CSMD1: variants seen among roughly 807,000 people sequenced by gnomAD.
CSMD1 encodes CUB and sushi domain-containing protein 1.
In CSMD1, 213 loss-of-function variants were observed where a neutral mutation model predicts 417.5. The ratio of observed to expected loss-of-function variants is 0.51; its 90% CI spans 0.46 to 0.57. The LOEUF (loss-of-function observed/expected upper bound fraction) is 0.57. Ranked by LOEUF, CSMD1 falls within the 20% of genes least tolerant of loss-of-function variation. The probability of loss-of-function intolerance (pLI) is 0.00; values close to 1 mark genes in which losing one functional copy is unlikely to be tolerated. For missense variants in CSMD1, 6,923 were observed against 4,529.7 expected (o/e 1.53, Z -15.17); for synonymous variants, 2,862 against 1,736.8 (o/e 1.65, Z -16.11).
chr8:3,856,123 A>T (rs1804292770), intron 5 of CSMD1, among the ~76,000 whole-genome samples: 2 of 152,074 alleles, frequency 1.3e-5, no homozygotes, highest in Non-Finnish European at 1.5e-5. Flanking sequence ...AGTGCTGGAG[A>T]CGGGGCTTGG....
chr8:3,395,807 C>A (rs1811655799), intron 17 of CSMD1, among the ~76,000 whole-genome samples: 1 of 152,068 alleles, frequency 6.6e-6, no homozygotes, highest in African/African-American at 2.4e-5. Flanking sequence ...GTTTTTCTAG[C>A]AAGGATCCTT....
chr8:3,695,117 G>GTGTGTGTGTGTGTGTGTGTGTGTGT (rs1800477289), intron 7 of CSMD1, among the ~76,000 whole-genome samples: 1 of 41,340 alleles, frequency 2.4e-5, no homozygotes. Flanking sequence ...TGTGTGTGTG[G>GTGTGTGTGTGTGTGTGTGTGTGTGT]TTATTGAAGA....
chr8:3,149,033 A>T lies in CSMD1; in HGVS notation c.6031+2364T>A, dbSNP rs909126053. Among the ~76,000 whole-genome samples, 10 of 152,130 alleles carry T rather than the reference A, an allele frequency of 6.6e-5. 1 individual carries two copies. Among genetic ancestry groups the T allele is most frequent in the Admixed American group, 4.6e-4 (7 of 15,268 alleles). On this transcript the variant is annotated intron_variant, in intron 40 of 69. Transcript: ENST00000635120. Reference sequence around the variant, plus strand: ...AAACCCTCAGGCTATGCAATATCCAATTTTTTTAAGATTTACATCAGTTTA... The same window carrying T: ...AAACCCTCAGGCTATGCAATATCCATTTTTTTTAAGATTTACATCAGTTTA...
At chr8:3,226,012 C>A (rs184712589) in intron 27 of CSMD1, among the ~76,000 whole-genome samples, 194 of 152,334 alleles carry the variant, frequency 1.3e-3, no homozygotes, top group African/African-American at 4.5e-3. Context: ...CACATACATA[C>A]GTAGCAGCTC....
At chr8:4,054,688 C>T (rs1256985949) in intron 3 of CSMD1, among the ~76,000 whole-genome samples, 5 of 152,088 alleles carry the variant, frequency 3.3e-5, no homozygotes, top group Non-Finnish European at 7.4e-5. Flanking sequence ...TAGCTGAATA[C>T]ATGTGAATTC....
intron 6 of CSMD1, among the ~76,000 whole-genome samples, chr8:3,719,057 A>C (rs995306962): frequency 6.6e-6 from 1 of 152,172 alleles, no homozygotes; most frequent in African/African-American, 2.4e-5. Flanking sequence ...GAGATGTAGA[A>C]AACCCTCCTG....
intron 1 of CSMD1, among the ~76,000 whole-genome samples, chr8:4,904,458 A>T (rs773459976): frequency 6.6e-6 from 1 of 152,216 alleles, no homozygotes; most frequent in Non-Finnish European, 1.5e-5. Context: ...GGTAAGAGAC[A>T]TGTTCAAAGT....
intron 23 of CSMD1, among the ~76,000 whole-genome samples, chr8:3,327,077 C>T (rs1806579985): frequency 6.6e-6 from 1 of 151,214 alleles, no homozygotes; most frequent in Admixed American, 6.6e-5. Context: ...GATTCAATCA[C>T]AGAAACACGT....
At position 3,920,574 on chromosome 8, in the gene CSMD1, C is replaced by T. The variant is rs1004173232; in HGVS notation, c.818+77329G>A. On this transcript the variant is annotated intron_variant, in intron 5 of 69. Transcript: ENST00000635120. ...TTGTTCTTAAATTTAAAGAGAAATG[C>T]TTTCAGCTTTTCATCATTATGTACA... 7.2e-5 allele frequency among the ~76,000 whole-genome samples: 11 copies of T among 152,008 alleles called. No homozygotes were observed. In the South Asian group the frequency reaches 1.0e-3, roughly 14 times the overall value.
chr8:4,238,371 C>G (rs1324859113), intron 3 of CSMD1, among the ~76,000 whole-genome samples: 1 of 152,150 alleles, frequency 6.6e-6, no homozygotes, highest in Non-Finnish European at 1.5e-5. Flanking sequence ...TGGGGCAGCC[C>G]AAAGCACATC....
chr8:4,906,973 T>C (rs1420655648), intron 1 of CSMD1, among the ~76,000 whole-genome samples: 1 of 152,226 alleles, frequency 6.6e-6, no homozygotes, highest in East Asian at 1.9e-4. Flanking sequence ...CTACTAAATA[T>C]AGCACAATTG....
At chr8:4,034,662 G>A (rs909945604) in intron 3 of CSMD1, among the ~76,000 whole-genome samples, 6 of 152,174 alleles carry the variant, frequency 3.9e-5, no homozygotes, top group African/African-American at 1.4e-4. Flanking sequence ...TAAATGTGAA[G>A]AGTGAGAAAG....
At chr8:3,729,320 G>C (rs897217888) in intron 6 of CSMD1, among the ~76,000 whole-genome samples, 6 of 152,248 alleles carry the variant, frequency 3.9e-5, no homozygotes, top group African/African-American at 7.2e-5. Context: ...CTGTCTGAGG[G>C]TGGGCTTCGG....
intron 10 of CSMD1, among the ~76,000 whole-genome samples, chr8:3,547,397 C>T (rs917877953): frequency 1.3e-5 from 2 of 152,084 alleles, no homozygotes; most frequent in African/African-American, 4.8e-5. Flanking sequence ...AGAGGTAAAA[C>T]TGATTCAGTT....
Position 4,044,352 on chromosome 8 carries a change from G to C in CSMD1, c.416-12253C>G, listed in dbSNP as rs556709195. On this transcript the variant is annotated intron_variant, in intron 3 of 69. Coordinates refer to ENST00000635120, the MANE Select transcript of CSMD1 (RefSeq NM_033225.6). ...AAATAACACAATGCAATTCTGTTTA[G>C]TATTTACTGATAAGAACCTTGTCTT... is the stretch of plus-strand genomic sequence containing the variant. Among the ~76,000 whole-genome samples, 5 of 152,252 alleles carry C rather than the reference G, an allele frequency of 3.3e-5. No individual in the cohort carries two copies. The East Asian group carries it at 5.8e-4, about 18-fold the overall frequency.
rs113327964 is a variant in CSMD1 at position 3,951,756 on chromosome 8, G to A, written c.818+46147C>T. Among the ~76,000 whole-genome samples the A allele has an allele frequency of 6.0e-3, 914 of 152,256 alleles. 9 individuals carry two copies. The highest frequency in any genetic ancestry group is 0.018 in the African/African-American group (741 of 41,552). On this transcript the variant is annotated intron_variant, in intron 5 of 69. Transcript: ENST00000635120. ...GGGGGCATTAAAACGTAATAGATGA[G>A]TAGAAAATGAGGGTGACCTGTGCTG...
intron 5 of CSMD1, among the ~76,000 whole-genome samples, chr8:3,851,220 T>C (rs1403818698): frequency 1.3e-5 from 2 of 152,220 alleles, no homozygotes; most frequent in Non-Finnish European, 2.9e-5. Context: ...GAAGGTAGAA[T>C]ATTTGAAATA....
intron 1 of CSMD1, among the ~76,000 whole-genome samples, chr8:4,680,975 T>TGTGTGTGTGTGTGA (rs767579851): frequency 5.2e-4 from 71 of 136,774 alleles, no homozygotes; most frequent in Admixed American, 1.6e-3. Context: ...TGTGTGTGTG[T>TGTGTGTGTGTGTGA]GAGAGAGAGA....
intron 2 of CSMD1, among the ~76,000 whole-genome samples, chr8:4,474,190 A>G (rs1406956341): frequency 2.6e-5 from 4 of 152,194 alleles, no homozygotes; most frequent in African/African-American, 9.7e-5. Context: ...CGTAAGTGAA[A>G]ATTTAAATGT....
Sources: gnomAD v4.1 joint callset for allele counts (sites outside exome capture counted in the v4.1 genomes callset) on GRCh38, gnomAD v4.1.1 for gene constraint, MANE v1.5 for transcripts, NCBI Gene and HGNC (gene_info 2026-07-23, HGNC 2026-07-21) for gene names.